RNF169: variants seen among roughly 807,000 people sequenced by gnomAD.
RNF169 encodes E3 ubiquitin-protein ligase RNF169.
In RNF169, 24 loss-of-function variants were observed where a neutral mutation model predicts 53.9. The ratio of observed to expected loss-of-function variants is 0.45; its 90% CI spans 0.32 to 0.63. The LOEUF (loss-of-function observed/expected upper bound fraction) is 0.63. Ranked by LOEUF, RNF169 falls within the 20% of genes least tolerant of loss-of-function variation. The pLI is 0.04. For missense variants in RNF169, 883 were observed against 906.2 expected (o/e 0.97, Z 0.33); for synonymous variants, 396 against 363.5 (o/e 1.09, Z -1.02).
In RNF169 at chr11:74,772,472, G is replaced by GT. The variant is rs35350939; in HGVS notation, c.503-17133dup. On this transcript the variant is annotated intron_variant, in intron 1 of 5. Transcript: ENST00000299563. ...TGTTAATTTACTACTAGGGATGCTG[G>GT]TTTTTTTTTTTTTTTTTTTTTACTT... Among the ~76,000 whole-genome samples the GT allele has an allele frequency of 2.1e-4, 27 of 128,164 alleles. 1 individual carries two copies. The highest frequency in any genetic ancestry group is 1.0e-3 in the South Asian group (4 of 3,970). 84.1% of individuals were successfully genotyped at this position (128,164 alleles called of 152,430 possible). A position where few individuals can be genotyped will look rare whatever the true frequency, so the allele number is the denominator to read the frequency against.
At chr11:74,763,476 TC>T (rs1163916535) in intron 1 of RNF169, among the ~76,000 whole-genome samples, 1 of 151,998 alleles carries the variant, frequency 6.6e-6, no homozygotes, top group Non-Finnish European at 1.5e-5. Context: ...AGAATTGACA[TC>T]CCAAGAAATG....
intron 2 of RNF169, among the ~76,000 whole-genome samples, chr11:74,800,645 A>G (rs1341317074): frequency 6.6e-6 from 1 of 152,230 alleles, no homozygotes; most frequent in Admixed American, 6.5e-5. Context: ...GCACAAAGTA[A>G]TCCCTTCTGT....
intron 4 of RNF169, among the ~76,000 whole-genome samples, chr11:74,819,416 C>G (rs955408660): frequency 6.6e-6 from 1 of 152,172 alleles, no homozygotes; most frequent in Non-Finnish European, 1.5e-5. Context: ...TACTCCATAC[C>G]TTCTTATAGA....
In RNF169 at chr11:74,836,216, G is replaced by A. The variant is rs576790797; in HGVS notation, c.1613G>A (p.Gly538Asp). The change falls in exon 6 of 6, where the codon GGC becomes GAC. Residue 538 changes from glycine (G) to aspartate (D), a missense_variant. Physicochemically the swap from Gly to Asp is moderately conservative, Grantham distance 94 (BLOSUM62 -1). Around this residue, in one of 3 missense-constraint regions of RNF169, gnomAD observed 351 missense variants for 337.3 expected, o/e 1.04. Coordinates refer to ENST00000299563, the MANE Select transcript of RNF169 (RefSeq NM_001098638.2). ...TGTTCCTCAGAACTCAAAGGGGGAG[G>A]CAGTGGGACTTCTTTGGAGAGGGAG... is the stretch of plus-strand genomic sequence containing the variant. ...TCCSSELKGG[G>D]SGTSLEREQF... is the part of the protein sequence containing the mutation. 7 of 1,614,164 alleles carry A rather than the reference G, an allele frequency of 4.3e-6. No homozygotes were observed. The South Asian group carries it at 7.7e-5, about 18-fold the overall frequency.
chr11:74,768,331 G>C (rs1320186630), intron 1 of RNF169, among the ~76,000 whole-genome samples: 1 of 152,210 alleles, frequency 6.6e-6, no homozygotes, highest in Admixed American at 6.5e-5. Flanking sequence ...GTAGAGCCAG[G>C]CATGGTGGCT....
At chr11:74,753,071 C>T (rs908009787) in intron 1 of RNF169, among the ~76,000 whole-genome samples, 13 of 152,270 alleles carry the variant, frequency 8.5e-5, no homozygotes, top group African/African-American at 2.9e-4. Flanking sequence ...CCGGTTCAAG[C>T]GATTCTCCTG....
chr11:74,817,644 C>G lies in RNF169; in HGVS notation c.772C>G (p.Gln258Glu). 1 of 1,614,052 alleles carries G rather than the reference C, an allele frequency of 6.2e-7. No individual in the cohort carries two copies. The highest frequency in any genetic ancestry group is 8.5e-7 in the Non-Finnish European group (1 of 1,179,942). ...DSENEEPSRG[Q>E]MTQTHRSAFV... is the part of the protein sequence containing the mutation. ...AGAGAATGAAGAACCTTCTCGAGGCCAGATGACACAGACACATCGCTCGGC... is the reference window on the plus strand; with the variant it reads ...AGAGAATGAAGAACCTTCTCGAGGCGAGATGACACAGACACATCGCTCGGC... The change falls in exon 4 of 6, where the codon CAG (glutamine) becomes GAG (glutamate). Residue 258 changes from glutamine (Q) to glutamate (E), a missense_variant. Physicochemically the swap from Gln to Glu is conservative, Grantham distance 29. This residue lies in a region of RNF169 where 219 missense variants were observed against 289.1 expected (regional missense o/e 0.76). Transcript: ENST00000299563.
intron 1 of RNF169, among the ~76,000 whole-genome samples, chr11:74,771,452 C>G (rs1319960616): frequency 6.6e-6 from 1 of 152,088 alleles, no homozygotes; most frequent in African/African-American, 2.4e-5. Context: ...GCCTGTAATC[C>G]CAGCTACTCT....
chr11:74,834,809 A>T, intron 5 of RNF169, 34 bp downstream of exon 5: 1 of 1,477,284 alleles, frequency 6.8e-7, no homozygotes, highest in South Asian at 1.2e-5. Context: ...GGGGCTTGTG[A>T]GGCTTGCCCC....
intron 1 of RNF169, among the ~76,000 whole-genome samples, chr11:74,760,459 T>C (rs1213578189): frequency 6.6e-6 from 1 of 152,316 alleles, no homozygotes; most frequent in Non-Finnish European, 1.5e-5. Context: ...GTGCTATAAA[T>C]TTCCCTCTAC....
chr11:74,832,999 G>T (rs1336104092), intron 4 of RNF169, among the ~76,000 whole-genome samples: 1 of 152,166 alleles, frequency 6.6e-6, no homozygotes, highest in East Asian at 1.9e-4. Flanking sequence ...TTTCCCACTA[G>T]ATAGTACAAC....
intron 2 of RNF169, among the ~76,000 whole-genome samples, chr11:74,799,713 A>G (rs2035703916): frequency 6.6e-6 from 1 of 152,120 alleles, no homozygotes; most frequent in African/African-American, 2.4e-5. Context: ...ATATGTAATG[A>G]GTGAAGCTTT....
chr11:74,790,279 G>T lies in RNF169; in HGVS notation c.576+580G>T, dbSNP rs150951615. ...AAAAAAGGCTGGTAATAAGAAGTAT[G>T]TTGCTAGATAGTGTCATTCTTTCCC... On this transcript the variant is annotated intron_variant, in intron 2 of 5. Coordinates refer to ENST00000299563, the MANE Select transcript of RNF169 (RefSeq NM_001098638.2). Among the ~76,000 whole-genome samples the T allele has an allele frequency of 2.4e-3, 365 of 152,326 alleles. 3 individuals carry two copies. The highest frequency in any genetic ancestry group is 8.4e-3 in the African/African-American group (348 of 41,576).
intron 2 of RNF169, among the ~76,000 whole-genome samples, chr11:74,790,935 T>C (rs2035570014): frequency 6.6e-6 from 1 of 152,158 alleles, no homozygotes; most frequent in South Asian, 2.1e-4. Context: ...ACATGGTGAG[T>C]GAGGGACGTG....
intron 1 of RNF169, among the ~76,000 whole-genome samples, chr11:74,770,389 T>C (rs1300775205): frequency 1.3e-5 from 2 of 152,242 alleles, no homozygotes; most frequent in African/African-American, 4.8e-5. Flanking sequence ...AAGCAGGTTA[T>C]GGATATAAGA....
At chr11:74,815,488 G>A (rs917609611) in intron 3 of RNF169, among the ~76,000 whole-genome samples, 12 of 152,002 alleles carry the variant, frequency 7.9e-5, no homozygotes, top group Non-Finnish European at 1.6e-4. Flanking sequence ...CCCGGGAGGC[G>A]GAGGTTGCAG....
At chr11:74,758,800 G>A (rs566832727) in intron 1 of RNF169, among the ~76,000 whole-genome samples, 2 of 152,234 alleles carry the variant, frequency 1.3e-5, no homozygotes, top group Admixed American at 6.5e-5. Flanking sequence ...CACCGCGCCC[G>A]GCCGTCCATA....
At chr11:74,817,448 T>C (rs187691280) in intron 3 of RNF169, 148 bp from the exon 4 acceptor site, 4 of 628,448 alleles carry the variant, frequency 6.4e-6, no homozygotes, top group Non-Finnish European at 1.1e-5. Flanking sequence ...TGAACCACAT[T>C]TGAGATTGGT....
At chr11:74,758,695 G>A (rs1269886176) in intron 1 of RNF169, among the ~76,000 whole-genome samples, 3 of 152,000 alleles carry the variant, frequency 2.0e-5, no homozygotes, top group Non-Finnish European at 2.9e-5. Flanking sequence ...TAGTAGAGAC[G>A]GGGTTTCACT....
Sources: allele counts gnomAD v4.1 joint callset (sites outside exome capture counted in the v4.1 genomes callset), GRCh38; gene constraint gnomAD v4.1.1; regional missense constraint gnomAD v4.1.1; transcripts MANE v1.5; gene names NCBI Gene and HGNC (gene_info 2026-07-23, HGNC 2026-07-21).